Variants in PLA2G4B observed in about 807,000 individuals in gnomAD.
PLA2G4B encodes phospholipase A2 group IVB.
A neutral mutation model predicts 95.8 loss-of-function variants in PLA2G4B; 122 were observed. That is an observed-to-expected ratio of 1.27 (90% CI 1.10 to 1.48). The LOEUF (loss-of-function observed/expected upper bound fraction) is 1.48, where lower values mean the gene tolerates loss of function less well. Ranked by LOEUF, PLA2G4B falls within the 40% of genes most tolerant of loss-of-function variation. The pLI, the probability that PLA2G4B is intolerant of heterozygous loss-of-function variation, is 0.00. For synonymous variants in PLA2G4B, 518 were observed against 421.5 expected (o/e 1.23, Z -2.80); for missense variants, 1,158 against 996.2 (o/e 1.16, Z -2.19).
intron 1 of PLA2G4B, chr15:41,839,180 C>G: frequency 2.7e-6 from 1 of 368,028 alleles, no homozygotes; most frequent in East Asian, 5.1e-5. Flanking sequence ...CCTGGAGACT[C>G]AGAGGCTCCC....
chr15:41,840,630 C>G lies in PLA2G4B; in HGVS notation c.189C>G (p.Ser63Arg), dbSNP rs2065410945. The change falls in exon 3 of 20, where the codon AGC (serine) becomes AGG (arginine). Residue 63 changes from serine (S) to arginine (R), a missense_variant. Physicochemically the swap from Ser to Arg is moderately radical, Grantham distance 110. Coordinates refer to ENST00000458483, the MANE Select transcript of PLA2G4B (RefSeq NM_001114633.2). ...GCAGTAGCCCTGTCTGGAACCAGAG[C>G]TTTCACTTCAGGATCCACAGGCAGC... ...KNSSSPVWNQSFHFRIHRQLK... is the reference protein window; with the variant it reads ...KNSSSPVWNQRFHFRIHRQLK... 2.5e-6 allele frequency: 4 copies of G among 1,613,826 alleles called. No homozygotes were observed. The highest frequency in any genetic ancestry group is 1.7e-5 in the Admixed American group (1 of 59,994).
In PLA2G4B at chr15:41,847,204, C is replaced by G. The variant is rs1014565136; in HGVS notation, c.1948-133C>G. 3 of 1,383,208 alleles carry G rather than the reference C, an allele frequency of 2.2e-6. No individual in the cohort carries two copies. The East Asian group carries it at 7.1e-5, about 33-fold the overall frequency. 85.7% of individuals were successfully genotyped at this position (1,383,208 alleles called of 1,614,324 possible). A position where few individuals can be genotyped will look rare whatever the true frequency, so the allele number is the denominator to read the frequency against. On this transcript the variant is annotated intron_variant, in intron 18 of 19. Transcript: ENST00000458483. ...TCAGGTGTGGAGAGTTTTTTTCCAA[C>G]GACTGGCTTCATAGGCCCCACTGGA...
chr15:41,846,643 A>G (rs2065553777), intron 17 of PLA2G4B, 26 bp from the exon 18 acceptor site: 1 of 1,581,446 alleles, frequency 6.3e-7, no homozygotes, highest in African/African-American at 1.3e-5. Context: ...TATCTGTGAC[A>G]ATTGCTGCTC....
At position 41,847,758 on chromosome 15, in the gene PLA2G4B, G is replaced by A; in HGVS notation, c.2244G>A (p.Lys748=). ...CCTACAGCCAGGAGGACGTGGACAA[G>A]CTGCTGCACCTGACACATTACAATG... ...KVTYSQEDVD[K]LLHLTHYNVC... Residue 748 remains lysine, a synonymous_variant, in exon 20 of 20, where the codon AAG becomes AAA. Transcript: ENST00000458483. 6.2e-7 allele frequency: 1 copy of A among 1,613,720 alleles called. No homozygotes were observed. Among genetic ancestry groups the A allele is most frequent in the Non-Finnish European group, 8.5e-7 (1 of 1,180,044 alleles).
In PLA2G4B at chr15:41,848,061, A is replaced by G. The variant is rs936393200; in HGVS notation, c.*201A>G. 145 of 679,644 alleles carry G rather than the reference A, an allele frequency of 2.1e-4. No homozygotes were observed. The highest frequency in any genetic ancestry group is 3.4e-4 in the Non-Finnish European group (141 of 410,234). 42.1% of individuals were successfully genotyped at this position (679,644 alleles called of 1,614,324 possible). ...GCCAAGCCCATTTGTGTAATCACCCAAAACCCCCCGGCCTGTGCCTGTTTT... is the reference window on the plus strand; with the variant it reads ...GCCAAGCCCATTTGTGTAATCACCCGAAACCCCCCGGCCTGTGCCTGTTTT... On this transcript the variant is annotated 3_prime_UTR_variant, in exon 20 of 20. Transcript: ENST00000458483.
rs2065452796 is a variant in PLA2G4B, at chr15:41,842,540, T to G, written c.706-14T>G. 3.1e-6 allele frequency: 5 copies of G among 1,610,790 alleles called. No individual in the cohort carries two copies. The highest frequency in any genetic ancestry group is 4.2e-6 in the Non-Finnish European group (5 of 1,179,130). On this transcript the variant is annotated splice_polypyrimidine_tract_variant and intron_variant, in intron 9 of 19. Transcript: ENST00000458483. ...TGGCCGACCTTTTGTGACTGGGGCC[T>G]TCACGGTTTTCAGGAGCCCCTGATG...
In PLA2G4B at chr15:41,841,829, C is replaced by G. The variant is rs529824786; in HGVS notation, c.501C>G (p.His167Gln). 11 of 1,613,418 alleles carry G rather than the reference C, an allele frequency of 6.8e-6. No individual in the cohort carries two copies. The highest frequency in any genetic ancestry group is 1.3e-5 in the African/African-American group (1 of 74,932). The stretch of plus-strand genomic sequence containing the variant: ...GGTTCCTGTTTCCAGCCTCAGAGCA[C>G]AGAGTTCAGCTTGTGGTTCCTGGGT... The part of the protein sequence containing the change: ...EETGDQKSSE[H>Q]RVQLVVPGSC... The change falls in exon 8 of 20, where the codon CAC becomes CAG. Residue 167 changes from histidine (H) to glutamine (Q), a missense_variant. Coordinates refer to ENST00000458483, the MANE Select transcript of PLA2G4B (RefSeq NM_001114633.2).
intron 4 of PLA2G4B, 40 bp downstream of exon 4, chr15:41,840,945 G>C (rs748148766): frequency 6.2e-7 from 1 of 1,602,140 alleles, no homozygotes; most frequent in Admixed American, 1.7e-5. Context: ...CTGGTGTCTG[G>C]GTTGAAATCT....
At position 41,844,930 on chromosome 15, in the gene PLA2G4B, A is replaced by T; in HGVS notation, c.1099A>T (p.Thr367Ser). The change falls in exon 13 of 20, where the codon ACC becomes TCC. Residue 367 changes from threonine to serine, a missense_variant. Thr to Ser is a moderately conservative substitution (Grantham distance 58). Transcript: ENST00000458483. The part of the protein sequence containing the change: ...GPTELLKTQV[T>S]KNKLGVLAPS... ...CACTGAGTTGCTGAAGACCCAGGTG[A>T]CCAAGAACAAGCTGGGTGTGCTGGC... 1 of 1,612,600 alleles carries T rather than the reference A, an allele frequency of 6.2e-7. No homozygotes were observed. Among genetic ancestry groups the T allele is most frequent in the Middle Eastern group, 1.7e-4 (1 of 6,050 alleles).
rs753441242 is a variant in PLA2G4B at position 41,846,235 on chromosome 15, G to T, written c.1633G>T (p.Glu545Ter). The T allele has an allele frequency of 1.2e-6, 2 of 1,614,034 alleles. No homozygotes were observed. Among genetic ancestry groups the T allele is most frequent in the East Asian group, 4.5e-5 (2 of 44,886 alleles). The change falls in exon 17 of 20, where the codon GAA (glutamate) becomes TAA (stop). Residue 545 changes from glutamate (E) to a stop codon, truncating the protein, a stop_gained. Coordinates refer to ENST00000458483, the MANE Select transcript of PLA2G4B (RefSeq NM_001114633.2). LOFTEE classifies it high-confidence loss of function. ...KEQVPLLKIE[E>*]PPSTAGRIAE... Reference sequence around the variant, plus strand: ...GCAGGTCCCCCTTCTGAAGATAGAAGAACCACCCTCAACAGCCGGCAGGAT... The same window carrying T: ...GCAGGTCCCCCTTCTGAAGATAGAATAACCACCCTCAACAGCCGGCAGGAT...
rs753205221 is a variant in PLA2G4B, at chr15:41,845,054, CGCT to C, written c.1229_1231del (p.Leu410del). 6 of 1,597,564 alleles carry C rather than the reference CGCT, an allele frequency of 3.8e-6. No homozygotes were observed. The Admixed American group carries it at 1.0e-4, about 28-fold the overall frequency. On this transcript the variant is annotated inframe_deletion, in exon 13 of 20. Transcript: ENST00000458483. ...AACCTGTGGGCCCTCATCAACGAGG[CGCT>C]GCTGCATGATGAGGTGCGGGGGCTG...
chr15:41,845,586 G>T, intron 14 of PLA2G4B, 52 bp from the exon 15 acceptor site: 3 of 1,608,690 alleles, frequency 1.9e-6, no homozygotes, highest in South Asian at 1.1e-5. Context: ...GGGTGGGGGT[G>T]TGGGTGCCTA....
intron 10 of PLA2G4B, chr15:41,842,840 T>A: frequency 2.0e-6 from 1 of 507,168 alleles, no homozygotes. Context: ...TGATAAATGT[T>A]TGGCTGGAAA....
At position 41,847,883 on chromosome 15, in the gene PLA2G4B, T is replaced by TAACTCTCATTC. The variant is rs2065605763; in HGVS notation, c.*25_*35dup. ...TGATGGCCGGGGCCCCTGCCACCCC[T>TAACTCTCATTC]AACTCTCATTCATTCCCTGGCTGCT... On this transcript the variant is annotated 3_prime_UTR_variant, in exon 20 of 20. Transcript: ENST00000458483. 1 of 1,599,308 alleles carries TAACTCTCATTC rather than the reference T, an allele frequency of 6.3e-7. No individual in the cohort carries two copies. The highest frequency in any genetic ancestry group is 8.5e-7 in the Non-Finnish European group (1 of 1,176,772).
In PLA2G4B at chr15:41,838,940, C is replaced by T; in HGVS notation, c.9+18C>T. ...TGGCTGTGGTAAGGCCTGGCAGGGC[C>T]CTGGGTCCCTACTGGGACCCCTGGT... is the stretch of plus-strand genomic sequence containing the variant. On this transcript the variant is annotated intron_variant, in intron 1 of 19. Coordinates refer to ENST00000458483, the MANE Select transcript of PLA2G4B (RefSeq NM_001114633.2). The T allele has an allele frequency of 5.1e-6, 8 of 1,582,968 alleles. No homozygotes were observed. The highest frequency in any genetic ancestry group is 6.9e-6 in the Non-Finnish European group (8 of 1,162,524).
In PLA2G4B at chr15:41,844,876, G is replaced by T; in HGVS notation, c.1045G>T (p.Glu349Ter). The T allele has an allele frequency of 6.2e-7, 1 of 1,610,198 alleles. No individual in the cohort carries two copies. The highest frequency in any genetic ancestry group is 1.1e-5 in the South Asian group (1 of 90,034). The change falls in exon 13 of 20, where the codon GAG becomes TAG. Residue 349 changes from glutamate to a stop codon, truncating the protein, a stop_gained. Transcript: ENST00000458483. LOFTEE classifies it high-confidence loss of function. Reference sequence around the variant, plus strand: ...CTTGGCCAACCTTTATGAGGACCCAGAGTGGTCTCAGAAGGACCTGGCAGG... The same window carrying T: ...CTTGGCCAACCTTTATGAGGACCCATAGTGGTCTCAGAAGGACCTGGCAGG... ...WALANLYEDP[E>*]WSQKDLAGPT...
intron 6 of PLA2G4B, 28 bp downstream of exon 6, chr15:41,841,301 GT>G: frequency 6.2e-7 from 1 of 1,611,984 alleles, no homozygotes; most frequent in South Asian, 1.1e-5. Flanking sequence ...CTGGGAGGCG[GT>G]CTGGGGTCCC....
At chr15:41,840,325 G>A in intron 2 of PLA2G4B, 95 bp downstream of exon 2, 1 of 1,580,092 alleles carries the variant, frequency 6.3e-7, no homozygotes. Context: ...GGAGGCGGGT[G>A]GGCCGGTGGG....
chr15:41,844,713 G>A (rs1327989277), intron 12 of PLA2G4B, 106 bp downstream of exon 12: 10 of 1,586,606 alleles, frequency 6.3e-6, no homozygotes, highest in Non-Finnish European at 7.7e-6. Context: ...GAATGAATGT[G>A]CCAGGGAGAA....
Sources: gnomAD v4.1 joint callset for allele counts on GRCh38, gnomAD v4.1.1 for gene constraint, MANE v1.5 for transcripts, NCBI Gene and HGNC (gene_info 2026-07-23, HGNC 2026-07-21) for gene names.